The following SPOCD1 variants were observed in gnomAD, a reference collection of about 807,000 sequenced individuals.
The protein encoded by SPOCD1 is SPOC domain-containing protein 1.
In SPOCD1, 64 loss-of-function variants were observed where a neutral mutation model predicts 92.2. That is an observed-to-expected ratio of 0.69 (90% confidence interval 0.57 to 0.86). SPOCD1 has a LOEUF of 0.86. Among genes scored for constraint, SPOCD1 ranks in the 40% least tolerant of loss-of-function variants. The probability of loss-of-function intolerance (pLI) is 0.00; values close to 1 mark genes in which losing one functional copy is unlikely to be tolerated. For missense variants in SPOCD1, 1,360 were observed against 1,543.1 expected, an observed-to-expected ratio of 0.88 and a Z score of 1.99; for synonymous variants, 578 against 619.3, an observed-to-expected ratio of 0.93 and a Z score of 0.99.
At chr1:31,793,536 A>C in intron 12 of SPOCD1, 108 bp from the exon 13 acceptor site, 1 of 1,507,338 alleles carries the variant, frequency 6.6e-7, no homozygotes, top group Non-Finnish European at 9.0e-7. Context: ...TGGGGACTGG[A>C]ACACTGGCCC....
At chr1:31,797,845 A>G (rs566195376) in intron 9 of SPOCD1, among the ~76,000 whole-genome samples, 2 of 152,290 alleles carry the variant, frequency 1.3e-5, no homozygotes, top group South Asian at 4.1e-4. Context: ...GAAGACCTCC[A>G]GGCTTTTCCA....
intron 2 of SPOCD1, 150 bp from the exon 3 acceptor site, chr1:31,801,855 G>A (rs576161756): frequency 2.5e-5 from 18 of 720,486 alleles, no homozygotes; most frequent in Admixed American, 2.2e-4. Context: ...TCCATCAAAG[G>A]GGAAATGGTT....
intron 2 of SPOCD1, among the ~76,000 whole-genome samples, chr1:31,807,513 A>T (rs1334576672): frequency 6.7e-6 from 1 of 149,766 alleles, no homozygotes; most frequent in Admixed American, 6.7e-5. Context: ...AGATTGAATG[A>T]TAAGACTGTA....
At position 31,800,576 on chromosome 1, in the gene SPOCD1, GC is replaced by G; in HGVS notation, c.1466del (p.Ser489ThrfsTer16). ...GCAGCTGCCCCCCTGCCTGGCCGTG[GC>G]TGATGGCCCCCAGGAGCTGGATCAC... The part of the protein sequence containing the change: ...GPVIQLLGAI[S>X]HGQAGGQLPP... On this transcript the variant is annotated frameshift_variant, in exon 4 of 16. Coordinates refer to ENST00000360482, the MANE Select transcript of SPOCD1 (RefSeq NM_144569.7). LOFTEE classifies it high-confidence loss of function. 3.1e-6 allele frequency: 5 copies of G among 1,610,670 alleles called. No homozygotes were observed. The highest frequency in any genetic ancestry group is 4.2e-6 in the Non-Finnish European group (5 of 1,178,656).
chr1:31,810,787 C>T (rs894933092), intron 2 of SPOCD1, among the ~76,000 whole-genome samples: 2 of 152,218 alleles, frequency 1.3e-5, no homozygotes, highest in Non-Finnish European at 1.5e-5. Flanking sequence ...CCTTCACTCA[C>T]CTCTTGACAC....
Position 31,791,295 on chromosome 1 carries a change from CG to C in SPOCD1, c.2963-5del, listed in dbSNP as rs773786990. On this transcript the variant is annotated splice_region_variant and splice_polypyrimidine_tract_variant and intron_variant, in intron 15 of 15. Coordinates refer to ENST00000360482, the MANE Select transcript of SPOCD1 (RefSeq NM_144569.7). ...GAGACAGGAAGAGCCCAAAGGCCTG[CG>C]GGGAAGAACTGTGTTCAGCTTAGCT... The C allele has an allele frequency of 6.6e-7, 1 of 1,507,638 alleles. No homozygotes were observed. Among genetic ancestry groups the C allele is most frequent in the Non-Finnish European group, 8.9e-7 (1 of 1,127,800 alleles). The allele number at this position is 1,507,638 out of a possible 1,614,324, so 93.4% of individuals were successfully genotyped here.
rs1649401065 is a variant in SPOCD1 at position 31,814,311 on chromosome 1, T to C, written c.1023A>G (p.Gln341=). Residue 341 remains glutamine, a synonymous_variant, in exon 2 of 16, where the codon CAA becomes CAG. Coordinates refer to ENST00000360482, the MANE Select transcript of SPOCD1 (RefSeq NM_144569.7). The surrounding 1 kb of genome is among the most constrained non-coding windows in gnomAD (Gnocchi z 4.2). The part of the protein sequence containing the change: ...GASAQASAEQ[Q]EAVCVVRTGS... ...CAGTCCGCACGACACACACAGCTTCTTGCTGCTCTGCAGAGGCCTGTGCTG... is the reference window on the plus strand; with the variant it reads ...CAGTCCGCACGACACACACAGCTTCCTGCTGCTCTGCAGAGGCCTGTGCTG... 6.3e-7 allele frequency: 1 copy of C among 1,575,678 alleles called. No individual in the cohort carries two copies. Among genetic ancestry groups the C allele is most frequent in the South Asian group, 1.1e-5 (1 of 87,012 alleles).
chr1:31,811,657 G>A (rs934990693), intron 2 of SPOCD1, among the ~76,000 whole-genome samples: 7 of 152,086 alleles, frequency 4.6e-5, no homozygotes, highest in South Asian at 2.1e-4. Context: ...GGCCCTAAAC[G>A]GGGCTCCAGA....
chr1:31,805,572 T>C (rs1325728706), intron 2 of SPOCD1, among the ~76,000 whole-genome samples: 17 of 151,926 alleles, frequency 1.1e-4, no homozygotes. Flanking sequence ...CCAAAATTTT[T>C]TTTTAAAGAG....
rs766911971 is a variant in SPOCD1, at chr1:31,814,885, C to A, written c.449G>T (p.Arg150Met). Residue 150 changes from arginine (R) to methionine (M), a missense_variant, in exon 2 of 16, where the codon AGG becomes ATG. By Grantham distance (91) the Arg-to-Met change is moderately conservative. Around this residue, in one of 3 missense-constraint regions of SPOCD1, gnomAD observed 606 missense variants for 601.5 expected, o/e 1.01. Coordinates refer to ENST00000360482, the MANE Select transcript of SPOCD1 (RefSeq NM_144569.7). The surrounding 1 kb of genome is among the most constrained non-coding windows in gnomAD (Gnocchi z 4.2). ...AGLPERALAC[R>M]ERLAGVEEVS... ...CTCCTCCACTCCTGCAAGCCTCTCCCTGCAGGCCAGAGCTCTCTCTGGGAG... is the reference window on the plus strand; with the variant it reads ...CTCCTCCACTCCTGCAAGCCTCTCCATGCAGGCCAGAGCTCTCTCTGGGAG... The A allele has an allele frequency of 6.2e-6, 10 of 1,613,782 alleles. No homozygotes were observed. The highest frequency in any genetic ancestry group is 8.5e-6 in the Non-Finnish European group (10 of 1,180,014).
Position 31,815,973 on chromosome 1 carries a change from G to A in SPOCD1, c.-52C>T, listed in dbSNP as rs1044179102. 4 of 151,938 alleles carry A rather than the reference G, an allele frequency of 2.6e-5. No individual in the cohort carries two copies. Among genetic ancestry groups the A allele is most frequent in the African/African-American group, 9.7e-5 (4 of 41,366 alleles). The allele number at this position is 151,938 out of a possible 1,614,324, so 9.4% of individuals were successfully genotyped here. On this transcript the variant is annotated 5_prime_UTR_variant, in exon 1 of 16. Transcript: ENST00000360482. ...GCGTCGCTCTCACCTGGGCTTCCCT[G>A]AGTTTTCCCTCCTGGGGTTCCACCC...
chr1:31,792,867 T>C (rs2149095817), intron 13 of SPOCD1, 100 bp from the exon 14 acceptor site: 5 of 949,756 alleles, frequency 5.3e-6, no homozygotes, highest in South Asian at 1.4e-5. Flanking sequence ...GTGGCAAATA[T>C]GGGCAGGCAG....
Position 31,815,385 on chromosome 1 carries a change from A to G in SPOCD1, c.-39-13T>C. The G allele has an allele frequency of 1.3e-6, 2 of 1,492,836 alleles. No homozygotes were observed. The highest frequency in any genetic ancestry group is 1.8e-6 in the Non-Finnish European group (2 of 1,118,622). 92.5% of individuals were successfully genotyped at this position (1,492,836 alleles called of 1,614,324 possible). On this transcript the variant is annotated splice_polypyrimidine_tract_variant and intron_variant, in intron 1 of 15. Transcript: ENST00000360482. ...CACAACACGGGCCCTGTGTGGAGAC[A>G]GAAAGAGGAGACTTTGTCTTGGAGA...
chr1:31,800,766 G>A (rs570202071), intron 3 of SPOCD1, 149 bp from the exon 4 acceptor site: 6 of 693,194 alleles, frequency 8.7e-6, no homozygotes, highest in Non-Finnish European at 1.2e-5. Flanking sequence ...CCTGGTCCCC[G>A]CTGTATTTGC....
intron 2 of SPOCD1, among the ~76,000 whole-genome samples, chr1:31,806,481 T>C (rs906340970): frequency 1.3e-5 from 2 of 152,178 alleles, no homozygotes; most frequent in South Asian, 2.1e-4. Context: ...GTGAAATTAA[T>C]TTTGTAGTTT....
At chr1:31,804,547 T>A (rs935506056) in intron 2 of SPOCD1, among the ~76,000 whole-genome samples, 2 of 152,184 alleles carry the variant, frequency 1.3e-5, no homozygotes, top group African/African-American at 4.8e-5. Context: ...GACAAAATAC[T>A]TTTCAAGAAT....
chr1:31,792,668 G>A lies in SPOCD1; in HGVS notation c.2775+10C>T. On this transcript the variant is annotated intron_variant, in intron 14 of 15. Coordinates refer to ENST00000360482, the MANE Select transcript of SPOCD1 (RefSeq NM_144569.7). ...AGGAAAAGAGGGGGTGCCCAAGAGT[G>A]GGCAGGTACCTTGGCCTTGGCTGGG... 9 of 1,586,476 alleles carry A rather than the reference G, an allele frequency of 5.7e-6. No homozygotes were observed. The highest frequency in any genetic ancestry group is 7.7e-6 in the Non-Finnish European group (9 of 1,165,254).
At chr1:31,806,615 G>C (rs1015724519) in intron 2 of SPOCD1, among the ~76,000 whole-genome samples, 3 of 150,798 alleles carry the variant, frequency 2.0e-5, no homozygotes. Context: ...GTGCGATCTC[G>C]GCTCACTGCA....
intron 2 of SPOCD1, among the ~76,000 whole-genome samples, chr1:31,807,323 A>G (rs532064877): frequency 1.6e-5 from 2 of 125,022 alleles, no homozygotes; most frequent in Non-Finnish European, 3.3e-5. Context: ...TGGGAGGTGG[A>G]GGCTGCAGTA....
Sources: gnomAD v4.1 joint callset for allele counts (sites outside exome capture counted in the v4.1 genomes callset) on GRCh38, gnomAD v4.1.1 for gene constraint, gnomAD v4.1.1 regional missense constraint, Gnocchi (gnomAD v3.1) non-coding constraint, MANE v1.5 for transcripts, NCBI Gene and HGNC (gene_info 2026-07-23, HGNC 2026-07-21) for gene names.